The following CHODL variants were observed in gnomAD, a reference collection of about 807,000 sequenced individuals.
CHODL encodes the protein transmembrane protein MT75.
A neutral mutation model predicts 34.5 loss-of-function variants in CHODL; 29 were observed. The observed-to-expected ratio is 0.84, with a 90% CI of 0.63 to 1.15. The LOEUF is 1.15. Among genes scored for constraint, CHODL ranks in the 50% most tolerant of loss-of-function variants. The pLI, the probability that CHODL is intolerant of heterozygous loss-of-function variation, is 0.00. For missense variants in CHODL, 332 were observed against 332.5 expected (o/e 1.00, Z 0.01); for synonymous variants, 125 against 116.1 (o/e 1.08, Z -0.49).
intron 2 of CHODL, among the ~76,000 whole-genome samples, chr21:18,135,074 T>G (rs569035398): frequency 1.3e-5 from 2 of 152,372 alleles, no homozygotes; most frequent in African/African-American, 4.8e-5. Context: ...CATGTTTGCA[T>G]TATAAGAAAA....
At chr21:18,174,756 G>A (rs2073285864) in intron 2 of CHODL, among the ~76,000 whole-genome samples, 1 of 152,114 alleles carries the variant, frequency 6.6e-6, no homozygotes, top group African/African-American at 2.4e-5. Flanking sequence ...GGATAAAATT[G>A]TACCTTATTT....
intron 1 of CHODL, among the ~76,000 whole-genome samples, chr21:17,971,462 T>A (rs778678878): frequency 2.4e-4 from 37 of 152,232 alleles, no homozygotes; most frequent in Non-Finnish European, 5.0e-4. Flanking sequence ...TGTGGTTTTG[T>A]ATTGCATTTC....
At position 18,072,667 on chromosome 21, in the gene CHODL, T is replaced by TA. The variant is rs553571995; in HGVS notation, c.-45+44706dup. Reference sequence around the variant, plus strand: ...AAGAGAAATAACTTGTTATTTAAGATAAAAAAAAAACCCATGGATGAGGTA... The same window carrying TA: ...AAGAGAAATAACTTGTTATTTAAGATAAAAAAAAAAACCCATGGATGAGGTA... On this transcript the variant is annotated intron_variant, in intron 2 of 6. Coordinates refer to the CHODL transcript ENST00000400127. Among the ~76,000 whole-genome samples, 961 of 149,800 alleles carry TA rather than the reference T, an allele frequency of 6.4e-3. 9 individuals are homozygous for TA. Among genetic ancestry groups the TA allele is most frequent in the African/African-American group, 0.021 (842 of 40,722 alleles).
At chr21:18,114,463 T>A (rs1400659890) in intron 2 of CHODL, among the ~76,000 whole-genome samples, 9 of 152,228 alleles carry the variant, frequency 5.9e-5, no homozygotes, top group Admixed American at 3.3e-4. Context: ...ATTTATTATT[T>A]TTTTTTGAGA....
intron 2 of CHODL, among the ~76,000 whole-genome samples, chr21:18,222,441 G>A (rs1176881539): frequency 6.6e-6 from 1 of 152,094 alleles, no homozygotes; most frequent in Non-Finnish European, 1.5e-5. Flanking sequence ...CTGAAAGGTG[G>A]GAACCTGCAC....
At chr21:18,244,262 G>A (rs1476319201), upstream of CHODL, among the ~76,000 whole-genome samples, 2 of 152,220 alleles carry the variant, frequency 1.3e-5, no homozygotes, top group Admixed American at 6.5e-5. Flanking sequence ...CAAACACTGA[G>A]AGTGAAATCA....
chr21:18,168,305 T>A (rs1420358530), intron 2 of CHODL, among the ~76,000 whole-genome samples: 2 of 152,166 alleles, frequency 1.3e-5, no homozygotes, highest in Non-Finnish European at 2.9e-5. Context: ...TCCTATTAGG[T>A]CTGTCCCTCT....
At chr21:18,146,033 A>G (rs1054419991) in intron 2 of CHODL, among the ~76,000 whole-genome samples, 1 of 152,164 alleles carries the variant, frequency 6.6e-6, no homozygotes, top group South Asian at 2.1e-4. Context: ...CAGTGGAGCA[A>G]TCTCGGATCA....
chr21:18,197,236 A>G (rs1761205171), intron 2 of CHODL, among the ~76,000 whole-genome samples: 1 of 152,232 alleles, frequency 6.6e-6, no homozygotes. Context: ...AAATTTGAGA[A>G]TGATGTGTTA....
At chr21:18,259,725 A>G (rs1187443416) in intron 3 of CHODL, among the ~76,000 whole-genome samples, 1 of 152,236 alleles carries the variant, frequency 6.6e-6, no homozygotes, top group African/African-American at 2.4e-5. Flanking sequence ...TGAATCATCA[A>G]TTCCAAATGC....
At chr21:18,121,584 C>A (rs930499944) in intron 2 of CHODL, among the ~76,000 whole-genome samples, 5 of 152,150 alleles carry the variant, frequency 3.3e-5, no homozygotes. Flanking sequence ...ATTACTTCCC[C>A]AAATAACTTA....
intron 1 of CHODL, among the ~76,000 whole-genome samples, chr21:17,991,373 A>G (rs1437363810): frequency 6.6e-6 from 1 of 151,990 alleles, no homozygotes; most frequent in Non-Finnish European, 1.5e-5. Context: ...TTTTTGAGAA[A>G]CTTTCATACC....
At chr21:18,006,922 T>C (rs979242668) in intron 1 of CHODL, among the ~76,000 whole-genome samples, 1 of 152,240 alleles carries the variant, frequency 6.6e-6, no homozygotes, top group Non-Finnish European at 1.5e-5. Context: ...AGCTAATGAT[T>C]CTTGGCTTGA....
At chr21:18,259,082 A>G (rs2074350108) in intron 3 of CHODL, among the ~76,000 whole-genome samples, 1 of 152,094 alleles carries the variant, frequency 6.6e-6, no homozygotes, top group African/African-American at 2.4e-5. Context: ...TTAAACTTCC[A>G]ACAAAGGGGG....
At chr21:18,044,061 A>G (rs1278942553) in intron 2 of CHODL, among the ~76,000 whole-genome samples, 5 of 152,034 alleles carry the variant, frequency 3.3e-5, no homozygotes, top group Admixed American at 1.3e-4. Flanking sequence ...CAGCCAAACC[A>G]TATCAGACCT....
rs574220555 is a variant in CHODL, at chr21:18,124,988, G to A, written c.-45+97017G>A. ...AGTCTACCAATCTGTCTAAATCCAGGTCTAGGATCTCAAAAAAACTTCCTA... is the reference window on the plus strand; with the variant it reads ...AGTCTACCAATCTGTCTAAATCCAGATCTAGGATCTCAAAAAAACTTCCTA... On this transcript the variant is annotated intron_variant, in intron 2 of 6. Coordinates refer to the CHODL transcript ENST00000400127. Among the ~76,000 whole-genome samples, 155 of 152,296 alleles carry A rather than the reference G, an allele frequency of 1.0e-3. 1 individual carries two copies. Among genetic ancestry groups the A allele is most frequent in the Non-Finnish European group, 1.9e-3 (127 of 68,032 alleles).
intron 2 of CHODL, among the ~76,000 whole-genome samples, chr21:18,231,271 T>C (rs1471107802): frequency 6.6e-6 from 1 of 152,178 alleles, no homozygotes; most frequent in East Asian, 1.9e-4. Flanking sequence ...CTCAGGGTTT[T>C]GGATCCGACG....
chr21:18,042,896 G>T (rs1031679086), intron 2 of CHODL, among the ~76,000 whole-genome samples: 1 of 151,814 alleles, frequency 6.6e-6, no homozygotes, highest in Non-Finnish European at 1.5e-5. Context: ...TTTAAGAATG[G>T]TCATGTTCTG....
At chr21:18,008,858 TG>T (rs1033414991) in intron 1 of CHODL, among the ~76,000 whole-genome samples, 2 of 152,220 alleles carry the variant, frequency 1.3e-5, no homozygotes, top group Non-Finnish European at 2.9e-5. Context: ...CTCGTCTAGT[TG>T]TTCTTTGAAA....
Sources: gnomAD v4.1 joint callset for allele counts (sites outside exome capture counted in the v4.1 genomes callset) on GRCh38, gnomAD v4.1.1 for gene constraint, MANE v1.5 for transcripts, NCBI Gene and HGNC (gene_info 2026-07-23, HGNC 2026-07-21) for gene names.